MGAM2: variants seen among roughly 807,000 people sequenced by gnomAD.
MGAM2 encodes maltase-glucoamylase 2 (putative), also known as probable maltase-glucoamylase 2.
In MGAM2, 98 loss-of-function variants were observed where a neutral mutation model predicts 96.1. That is an observed-to-expected ratio of 1.02 (90% CI 0.87 to 1.21). The LOEUF is 1.21. Ranked by LOEUF, MGAM2 falls within the 50% of genes most tolerant of loss-of-function variation. The pLI, the probability that MGAM2 is intolerant of heterozygous loss-of-function variation, is 0.00. For missense variants in MGAM2, 2,055 were observed against 1,182.4 expected (o/e 1.74, Z -10.82); for synonymous variants, 749 against 414.8 (o/e 1.81, Z -9.79).
At chr7:142,168,458 T>G (rs565630045) in intron 26 of MGAM2, among the ~76,000 whole-genome samples, 8 of 151,974 alleles carry the variant, frequency 5.3e-5, no homozygotes, top group Non-Finnish European at 1.2e-4. Context: ...TTAGTAGAGA[T>G]AGGATTTCAC....
At chr7:142,175,829 G>A in intron 32 of MGAM2, 49 bp downstream of exon 32, 1 of 688,310 alleles carries the variant, frequency 1.5e-6, no homozygotes, top group South Asian at 1.5e-5. Flanking sequence ...CATATTCATG[G>A]TTCAAAAATA....
intron 36 of MGAM2, 63 bp downstream of exon 36, chr7:142,187,897 T>C: frequency 1.5e-6 from 1 of 678,566 alleles, no homozygotes; most frequent in Non-Finnish European, 2.7e-6. Context: ...AGTTTTCCTT[T>C]TACTGTCAAA....
At chr7:142,170,046 C>T (rs1289716614) in intron 26 of MGAM2, 29 bp from the exon 27 acceptor site, 1 of 685,864 alleles carries the variant, frequency 1.5e-6, no homozygotes, top group Admixed American at 2.2e-5. Flanking sequence ...GAGACCCTAA[C>T]AGAAAGTTTT....
chr7:142,145,521 A>G (rs1287933164), intron 14 of MGAM2, among the ~76,000 whole-genome samples: 1 of 151,938 alleles, frequency 6.6e-6, no homozygotes, highest in Admixed American at 6.6e-5. Context: ...CCAGTTTCTG[A>G]TTTTGAAAGA....
intron 14 of MGAM2, among the ~76,000 whole-genome samples, chr7:142,146,692 A>G (rs74300737): frequency 1.2e-3 from 178 of 152,134 alleles, no homozygotes; most frequent in East Asian, 8.0e-3. Context: ...CTTACACATC[A>G]AACTGTCAAA....
chr7:142,155,236 A>T (rs1018260523), intron 17 of MGAM2, among the ~76,000 whole-genome samples: 1 of 152,232 alleles, frequency 6.6e-6, no homozygotes, highest in African/African-American at 2.4e-5. Flanking sequence ...GGCTTAGGCC[A>T]GTGATCTCAA....
At position 142,148,528 on chromosome 7, in the gene MGAM2, C is replaced by A. The variant is rs1236326351; in HGVS notation, c.1634+955C>A. ...CTGCAAATCATAACATCCTTTATAT[C>A]TTGTCATGTAGATTGTTTACTTGTG... On this transcript the variant is annotated intron_variant, in intron 15 of 47. Transcript: ENST00000477922. This position sits in a 1 kb window ranked among gnomAD's most constrained non-coding sequence, Gnocchi z 4.2. Among the ~76,000 whole-genome samples the A allele has an allele frequency of 1.3e-5, 2 of 152,212 alleles. No individual in the cohort carries two copies. Among genetic ancestry groups the A allele is most frequent in the African/African-American group, 4.8e-5 (2 of 41,448 alleles).
chr7:142,205,227 T>C (rs915917948), intron 45 of MGAM2, among the ~76,000 whole-genome samples: 7 of 152,224 alleles, frequency 4.6e-5, no homozygotes, highest in African/African-American at 1.2e-4. Flanking sequence ...TTGGGTTGTT[T>C]CCACTTTTTG....
In MGAM2 at chr7:142,167,493, C is replaced by T. The variant is rs955768099; in HGVS notation, c.3027+7C>T. ...AACCATGCTGCAGGTCAAGGTAAGG[C>T]CCATGTTGCAGATTCTGGTTCTCAA... is the stretch of plus-strand genomic sequence containing the variant. On this transcript the variant is annotated splice_region_variant and intron_variant, in intron 26 of 47. Transcript: ENST00000477922. 3 of 702,886 alleles carry T rather than the reference C, an allele frequency of 4.3e-6. No homozygotes were observed. Among genetic ancestry groups the T allele is most frequent in the Admixed American group, 2.0e-5 (1 of 50,004 alleles). The allele number at this position is 702,886 out of a possible 1,614,324, so 43.5% of individuals were successfully genotyped here. A position where few individuals can be genotyped will look rare whatever the true frequency, so the allele number is the denominator to read the frequency against.
At chr7:142,171,094 G>A (rs1040845706) in intron 27 of MGAM2, 178 bp from the exon 28 acceptor site, 34 of 644,570 alleles carry the variant, frequency 5.3e-5, no homozygotes, top group Middle Eastern at 3.7e-4. Context: ...ATCTAACATG[G>A]AACTTTGGTC....
intron 29 of MGAM2, 106 bp from the exon 30 acceptor site, chr7:142,172,546 A>G (rs1281835225): frequency 2.2e-5 from 13 of 579,160 alleles, no homozygotes; most frequent in Non-Finnish European, 3.4e-5. Context: ...TAGAGAAGGC[A>G]TGTATCAAAG....
intron 45 of MGAM2, among the ~76,000 whole-genome samples, chr7:142,201,071 C>CTTTTTTTCT (rs1797209807): frequency 3.6e-5 from 3 of 84,382 alleles, no homozygotes; most frequent in African/African-American, 1.6e-4. Context: ...CATCCTTTTT[C>CTTTTTTTCT]TTTTTTTTTT....
chr7:142,132,035 T>A lies in MGAM2; in HGVS notation c.525T>A (p.Thr175=), dbSNP rs1241902930. 6 of 703,134 alleles carry A rather than the reference T, an allele frequency of 8.5e-6. No homozygotes were observed. The highest frequency in any genetic ancestry group is 1.6e-5 in the Non-Finnish European group (6 of 385,042). The allele number at this position is 703,134 out of a possible 1,614,324, so 43.6% of individuals were successfully genotyped here. A position where few individuals can be genotyped will look rare whatever the true frequency, so the allele number is the denominator to read the frequency against. ...ASNLSYYVEV[T]DKPFSIKIMR... ...ATTTGAGCTATTACGTGGAGGTTACTGATAAACCTTTCAGCATCAAAATAA... is the reference window on the plus strand; with the variant it reads ...ATTTGAGCTATTACGTGGAGGTTACAGATAAACCTTTCAGCATCAAAATAA... Residue 175 remains threonine (T), a synonymous_variant, in exon 6 of 48, where the codon ACT becomes ACA. Transcript: ENST00000477922.
At chr7:142,167,079 C>T (rs1796048575) in intron 25 of MGAM2, among the ~76,000 whole-genome samples, 189 bp from the exon 26 acceptor site, 2 of 152,118 alleles carry the variant, frequency 1.3e-5, no homozygotes, top group Non-Finnish European at 2.9e-5. Context: ...ATTGCAGAAA[C>T]CCTACTTCCA....
At chr7:142,147,413 T>C (rs1795418701) in intron 14 of MGAM2, 43 bp from the exon 15 acceptor site, 1 of 678,748 alleles carries the variant, frequency 1.5e-6, no homozygotes, top group Non-Finnish European at 2.7e-6. Context: ...TTGTTAAAGA[T>C]GGTTAATGAG....
intron 37 of MGAM2, among the ~76,000 whole-genome samples, chr7:142,190,331 G>A (rs1050733740): frequency 2.0e-5 from 3 of 146,442 alleles, no homozygotes; most frequent in African/African-American, 5.1e-5. Flanking sequence ...GAGTGCAGTG[G>A]TGCAATCTCG....
chr7:142,158,049 C>A lies in MGAM2; in HGVS notation c.2036C>A (p.Ala679Asp), dbSNP rs946839774. 16 of 702,850 alleles carry A rather than the reference C, an allele frequency of 2.3e-5. No homozygotes were observed. The African/African-American group carries it at 2.8e-4, about 12-fold the overall frequency. The allele number at this position is 702,850 out of a possible 1,614,324, so 43.5% of individuals were successfully genotyped here. A position where few individuals can be genotyped will look rare whatever the true frequency, so the allele number is the denominator to read the frequency against. The change falls in exon 18 of 48, where the codon GCT (alanine) becomes GAT (aspartate). Residue 679 changes from alanine (A) to aspartate (D), a missense_variant. Coordinates refer to ENST00000477922, the MANE Select transcript of MGAM2 (RefSeq NM_001293626.2). ...TATCTCTATACCCTTTTCTACCATG[C>A]TCACACCCGGGGAGAGACGGTAGCA... ...LPYLYTLFYH[A>D]HTRGETVARP... is the part of the protein sequence containing the mutation.
intron 37 of MGAM2, 86 bp downstream of exon 37, chr7:142,189,591 C>T (rs946679469): frequency 2.8e-5 from 15 of 537,804 alleles, no homozygotes; most frequent in Admixed American, 9.9e-5. Flanking sequence ...CATGTATCTA[C>T]GTGATCCGAG....
At chr7:142,138,506 T>C in intron 9 of MGAM2, 36 bp from the exon 10 acceptor site, 1 of 694,252 alleles carries the variant, frequency 1.4e-6, no homozygotes, top group African/African-American at 1.8e-5. Flanking sequence ...GGGCTAATGT[T>C]ATTCTCAAAG....
Sources: gnomAD v4.1 joint callset for allele counts (sites outside exome capture counted in the v4.1 genomes callset) on GRCh38, gnomAD v4.1.1 for gene constraint, Gnocchi (gnomAD v3.1) non-coding constraint, MANE v1.5 for transcripts, NCBI Gene and HGNC (gene_info 2026-07-23, HGNC 2026-07-21) for gene names.